NRCAM: variants seen among roughly 807,000 people sequenced by gnomAD.
NRCAM encodes the protein NgCAM-related cell adhesion molecule.
A neutral mutation model predicts 156.5 loss-of-function variants in NRCAM; 83 were observed. The ratio of observed to expected loss-of-function variants is 0.53; its 90% CI spans 0.44 to 0.64. NRCAM has a LOEUF of 0.64. Ranked by LOEUF, NRCAM falls within the 30% of genes least tolerant of loss-of-function variation. NRCAM has a pLI of 0.00. For missense variants in NRCAM, 1,417 were observed against 1,597.3 expected, an observed-to-expected ratio of 0.89 and a Z score of 1.92; for synonymous variants, 538 against 563.9, an observed-to-expected ratio of 0.95 and a Z score of 0.65.
intron 2 of NRCAM, among the ~76,000 whole-genome samples, chr7:108,386,533 A>G (rs1162935630): frequency 2.0e-5 from 3 of 152,182 alleles, no homozygotes; most frequent in Non-Finnish European, 4.4e-5. Flanking sequence ...GTCACAAAAG[A>G]GATTACATTG....
chr7:108,182,357 T>C (rs1229161738), intron 23 of NRCAM, among the ~76,000 whole-genome samples: 1 of 151,978 alleles, frequency 6.6e-6, no homozygotes, highest in Non-Finnish European at 1.5e-5. Flanking sequence ...GAAAACACAG[T>C]ATTCCTGGGT....
At chr7:108,398,145 T>TTTCTATCTAGA (rs1431544057) in intron 2 of NRCAM, among the ~76,000 whole-genome samples, 1 of 152,214 alleles carries the variant, frequency 6.6e-6, no homozygotes. Flanking sequence ...CTGATGGATA[T>TTTCTATCTAGA]TTCTATCTAG....
chr7:108,422,933 C>T (rs1454888951), intron 1 of NRCAM, among the ~76,000 whole-genome samples: 1 of 152,122 alleles, frequency 6.6e-6, no homozygotes, highest in African/African-American at 2.4e-5. Context: ...AGCCCCCCAT[C>T]TTAGCCTCCA....
chr7:108,228,043 C>A (rs1335078383), intron 8 of NRCAM, among the ~76,000 whole-genome samples: 1 of 152,100 alleles, frequency 6.6e-6, no homozygotes, highest in Admixed American at 6.5e-5. Context: ...TAACCCAAGC[C>A]GGGCTTGGTG....
At chr7:108,232,299 C>T in intron 7 of NRCAM, 27 bp downstream of exon 7, 1 of 1,539,936 alleles carries the variant, frequency 6.5e-7, no homozygotes, top group South Asian at 1.2e-5. Flanking sequence ...TAAAAAGGGT[C>T]ATGTTGGTTG....
chr7:108,160,557 C>T, intron 30 of NRCAM, 65 bp from the exon 31 acceptor site: 4 of 1,483,154 alleles, frequency 2.7e-6, no homozygotes, highest in Non-Finnish European at 3.6e-6. Flanking sequence ...GCTGCAGTCT[C>T]TCAGAGTAAA....
intron 28 of NRCAM, among the ~76,000 whole-genome samples, chr7:108,172,810 T>A (rs1467735600): frequency 1.3e-5 from 2 of 152,198 alleles, no homozygotes; most frequent in Non-Finnish European, 2.9e-5. Context: ...AGGTTTATAA[T>A]CCTTTTGTAA....
intron 2 of NRCAM, among the ~76,000 whole-genome samples, chr7:108,386,622 A>G (rs1350955193): frequency 1.3e-5 from 2 of 152,170 alleles, no homozygotes; most frequent in Non-Finnish European, 1.5e-5. Context: ...AGTAAGATTG[A>G]AAACTATGAT....
Position 108,273,376 on chromosome 7 carries a change from C to T in NRCAM, c.-106-33206G>A, listed in dbSNP as rs113477282. ...TACAGTCCCACCAACAGTGTAAAAG[C>T]GTTCCTATTTCTCTACATCCTCTCC... On this transcript the variant is annotated intron_variant, in intron 3 of 32. Coordinates refer to ENST00000379028, the MANE Select transcript of NRCAM (RefSeq NM_001037132.4). 2.3e-3 allele frequency among the ~76,000 whole-genome samples: 350 copies of T among 152,154 alleles called. 1 individual carries two copies. The highest frequency in any genetic ancestry group is 7.9e-3 in the African/African-American group (327 of 41,470).
At chr7:108,374,871 C>T (rs954732188) in intron 2 of NRCAM, among the ~76,000 whole-genome samples, 4 of 152,092 alleles carry the variant, frequency 2.6e-5, no homozygotes, top group African/African-American at 4.8e-5. Context: ...AATAATTTTC[C>T]TGCTCAGCAG....
chr7:108,399,573 G>A lies in NRCAM; in HGVS notation c.-311C>T, dbSNP rs1415565914. On this transcript the variant is annotated 5_prime_UTR_variant, in exon 2 of 33. Coordinates refer to ENST00000379028, the MANE Select transcript of NRCAM (RefSeq NM_001037132.4). ...GCAAACAGGGGATAAAGAATGCTGA[G>A]AGAGAATGTCACAAAGATTCCTGAA... 6.6e-6 allele frequency: 1 copy of A among 152,152 alleles called. No homozygotes were observed. Among genetic ancestry groups the A allele is most frequent in the African/African-American group, 2.4e-5 (1 of 41,432 alleles). 9.4% of individuals were successfully genotyped at this position (152,152 alleles called of 1,614,324 possible).
In NRCAM at chr7:108,204,669, A is replaced by G. The variant is rs187067646; in HGVS notation, c.1207+2859T>C. Reference sequence around the variant, plus strand: ...CTCTCCCTGCACGTCCACTAGAGTGACTGCTCTGAGGCACACCAGAGGGTG... The same window carrying G: ...CTCTCCCTGCACGTCCACTAGAGTGGCTGCTCTGAGGCACACCAGAGGGTG... On this transcript the variant is annotated intron_variant, in intron 13 of 32. Coordinates refer to ENST00000379028, the MANE Select transcript of NRCAM (RefSeq NM_001037132.4). Among the ~76,000 whole-genome samples, 648 of 152,296 alleles carry G rather than the reference A, an allele frequency of 4.3e-3. 1 individual carries two copies. Among genetic ancestry groups the G allele is most frequent in the South Asian group, 9.7e-3 (47 of 4,822 alleles).
At chr7:108,400,723 C>T (rs1319839519) in intron 1 of NRCAM, among the ~76,000 whole-genome samples, 5 of 151,996 alleles carry the variant, frequency 3.3e-5, no homozygotes, top group East Asian at 1.9e-4. Flanking sequence ...TTTCAGGAGG[C>T]GGGAACTCAG....
intron 2 of NRCAM, among the ~76,000 whole-genome samples, chr7:108,351,326 G>A (rs1166739289): frequency 6.6e-6 from 1 of 152,138 alleles, no homozygotes; most frequent in African/African-American, 2.4e-5. Flanking sequence ...AAATTACCCA[G>A]TCTCAGGTAT....
At chr7:108,265,539 T>C (rs916982525) in intron 3 of NRCAM, among the ~76,000 whole-genome samples, 4 of 152,192 alleles carry the variant, frequency 2.6e-5, no homozygotes, top group Non-Finnish European at 5.9e-5. Context: ...ACAGGAAAAT[T>C]TGGCTTCCTT....
intron 4 of NRCAM, among the ~76,000 whole-genome samples, chr7:108,239,687 T>A (rs1348116924): frequency 6.6e-6 from 1 of 152,098 alleles, no homozygotes; most frequent in Non-Finnish European, 1.5e-5. Flanking sequence ...ACTCAATCCT[T>A]CTCAGGCCAT....
intron 1 of NRCAM, among the ~76,000 whole-genome samples, chr7:108,449,130 A>G (rs1389819668): frequency 6.6e-6 from 1 of 152,168 alleles, no homozygotes; most frequent in Non-Finnish European, 1.5e-5. Context: ...TACAGTTTTA[A>G]AACTTTTGTC....
intron 3 of NRCAM, among the ~76,000 whole-genome samples, chr7:108,299,141 A>AGAAAGAGAGAG (rs1359233529): frequency 8.8e-6 from 1 of 113,962 alleles, no homozygotes; most frequent in East Asian, 2.2e-4. Flanking sequence ...AAAGAAAGAA[A>AGAAAGAGAGAG]AGAAAAGTAA....
chr7:108,188,193 A>T (rs951074050), intron 20 of NRCAM, among the ~76,000 whole-genome samples: 2 of 152,150 alleles, frequency 1.3e-5, no homozygotes, highest in African/African-American at 4.8e-5. Flanking sequence ...CAGTCTACAC[A>T]GGAGGAGTTC....
Sources: allele counts gnomAD v4.1 joint callset (sites outside exome capture counted in the v4.1 genomes callset), GRCh38; gene constraint gnomAD v4.1.1; transcripts MANE v1.5; gene names NCBI Gene and HGNC (gene_info 2026-07-23, HGNC 2026-07-21).